The following CSMD3 variants were observed in gnomAD, a reference collection of about 807,000 sequenced individuals.
CSMD3 encodes the protein CUB and sushi domain-containing protein 3.
Under a neutral mutation model 435.2 loss-of-function variants are expected in CSMD3, and 177 were observed. That is an observed-to-expected ratio of 0.41 (90% CI 0.36 to 0.46). The LOEUF (loss-of-function observed/expected upper bound fraction) is 0.46, where lower values mean the gene tolerates loss of function less well. CSMD3 is among the 20% of genes least tolerant of loss of function. The pLI, the probability that CSMD3 is intolerant of heterozygous loss-of-function variation, is 0.34. For synonymous variants in CSMD3, 1,656 were observed against 1,520.5 expected (o/e 1.09, Z -2.07); for missense variants, 4,265 against 4,504.6 (o/e 0.95, Z 1.52).
At chr8:112,932,472 T>G (rs1265964651) in intron 9 of CSMD3, among the ~76,000 whole-genome samples, 1 of 152,128 alleles carries the variant, frequency 6.6e-6, no homozygotes, top group African/African-American at 2.4e-5. Context: ...GGTCTCAGTC[T>G]CCTGACCTCA....
chr8:112,702,854 C>A (rs1323474073), intron 13 of CSMD3, among the ~76,000 whole-genome samples: 1 of 152,096 alleles, frequency 6.6e-6, no homozygotes, highest in Non-Finnish European at 1.5e-5. Flanking sequence ...GTCCTCCAAG[C>A]TGTGGTTATC....
chr8:113,217,435 C>T (rs1183505159), intron 3 of CSMD3, among the ~76,000 whole-genome samples: 1 of 151,138 alleles, frequency 6.6e-6, no homozygotes, highest in Non-Finnish European at 1.5e-5. Context: ...TTTTAAAAGC[C>T]TAGTTATAAA....
At chr8:113,005,397 T>C (rs2086018695) in intron 6 of CSMD3, among the ~76,000 whole-genome samples, 2 of 152,004 alleles carry the variant, frequency 1.3e-5, no homozygotes, top group Non-Finnish European at 1.5e-5. Context: ...ATTAAGGCCA[T>C]ATAGAATCAA....
intron 32 of CSMD3, among the ~76,000 whole-genome samples, chr8:112,415,179 G>A (rs368067348): frequency 6.6e-6 from 1 of 152,192 alleles, no homozygotes; most frequent in Non-Finnish European, 1.5e-5. Flanking sequence ...AGGCTTAGGA[G>A]GGAAAAATGG....
In CSMD3 at chr8:113,228,592, G is replaced by C. The variant is rs545320310; in HGVS notation, c.514+50000C>G. On this transcript the variant is annotated intron_variant, in intron 3 of 70. Coordinates refer to ENST00000297405, the MANE Select transcript of CSMD3 (RefSeq NM_198123.2). ...ATTGAGCACTTTAAAAAAAAAACAG[G>C]GCCAAACATATGGATGGTTCCATAT... Among the ~76,000 whole-genome samples, 5 of 151,000 alleles carry C rather than the reference G, an allele frequency of 3.3e-5. No homozygotes were observed. In the East Asian group the frequency reaches 9.8e-4, roughly 30 times the overall value.
At chr8:112,513,249 G>T (rs1823319647) in intron 28 of CSMD3, among the ~76,000 whole-genome samples, 1 of 152,142 alleles carries the variant, frequency 6.6e-6, no homozygotes, top group South Asian at 2.1e-4. Context: ...AGCCTATTTG[G>T]GCTTTCAACT....
At chr8:113,009,390 A>C (rs929064532) in intron 6 of CSMD3, among the ~76,000 whole-genome samples, 2 of 151,862 alleles carry the variant, frequency 1.3e-5, no homozygotes, top group African/African-American at 2.4e-5. Context: ...CATATTTACT[A>C]ACTTCTAATC....
At chr8:112,454,458 T>A (rs1269218857) in intron 32 of CSMD3, among the ~76,000 whole-genome samples, 3 of 152,064 alleles carry the variant, frequency 2.0e-5, no homozygotes, top group African/African-American at 4.8e-5. Context: ...GCAAATAACA[T>A]GAACAGGCAT....
intron 10 of CSMD3, among the ~76,000 whole-genome samples, chr8:112,901,205 A>T (rs1182596677): frequency 6.6e-6 from 1 of 151,324 alleles, no homozygotes; most frequent in Non-Finnish European, 1.5e-5. Flanking sequence ...AGTGAGATTA[A>T]TACTTGATAA....
intron 13 of CSMD3, among the ~76,000 whole-genome samples, chr8:112,790,990 A>G (rs2078673498): frequency 6.6e-6 from 1 of 152,130 alleles, no homozygotes; most frequent in African/African-American, 2.4e-5. Flanking sequence ...AAATTTTCAC[A>G]CATATATGCA....
intron 13 of CSMD3, among the ~76,000 whole-genome samples, chr8:112,717,553 C>T (rs377412327): frequency 6.6e-6 from 1 of 152,164 alleles, no homozygotes; most frequent in South Asian, 2.1e-4. Context: ...CCAGCAATCC[C>T]ATTACTGGGT....
intron 4 of CSMD3, among the ~76,000 whole-genome samples, chr8:113,113,420 A>G (rs998479105): frequency 6.6e-6 from 1 of 152,198 alleles, no homozygotes; most frequent in African/African-American, 2.4e-5. Context: ...TTTAATGATT[A>G]CATCTGAGGC....
At chr8:113,289,206 A>G (rs2093667041) in intron 2 of CSMD3, among the ~76,000 whole-genome samples, 1 of 151,854 alleles carries the variant, frequency 6.6e-6, no homozygotes, top group Non-Finnish European at 1.5e-5. Context: ...CCAAGCATTT[A>G]GCAAACTAGC....
chr8:113,259,394 C>G lies in CSMD3; in HGVS notation c.514+19198G>C, dbSNP rs576595637. ...GCCTCAGGCAGAAACATGAGTGAGT[C>G]CATACAAGATCACCAGAATAACAGC... is the stretch of plus-strand genomic sequence containing the variant. On this transcript the variant is annotated intron_variant, in intron 3 of 70. Transcript: ENST00000297405. Among the ~76,000 whole-genome samples, 20 of 152,228 alleles carry G rather than the reference C, an allele frequency of 1.3e-4. No homozygotes were observed. In the South Asian group the frequency reaches 1.7e-3, roughly 13 times the overall value.
intron 32 of CSMD3, among the ~76,000 whole-genome samples, chr8:112,440,864 C>T (rs1034629969): frequency 7.2e-5 from 11 of 152,126 alleles, no homozygotes; most frequent in Non-Finnish European, 1.3e-4. Flanking sequence ...AGGCCCTGGG[C>T]CTGGCCCATG....
chr8:112,957,514 C>T (rs768488140), intron 7 of CSMD3, among the ~76,000 whole-genome samples: 5 of 152,154 alleles, frequency 3.3e-5, no homozygotes, highest in Admixed American at 6.5e-5. Context: ...AGTGCAGTGG[C>T]GCGATCTCGG....
intron 22 of CSMD3, among the ~76,000 whole-genome samples, chr8:112,633,715 C>T (rs1357514982): frequency 1.3e-5 from 2 of 151,956 alleles, no homozygotes; most frequent in Admixed American, 1.3e-4. Context: ...TCAACCTGTA[C>T]ACTAAATATT....
intron 38 of CSMD3, among the ~76,000 whole-genome samples, chr8:112,379,226 T>C (rs1036727067): frequency 6.6e-6 from 1 of 152,142 alleles, no homozygotes; most frequent in African/African-American, 2.4e-5. Context: ...TCCCAAAACT[T>C]TGGGAAGTCA....
chr8:113,166,820 C>G (rs1588189152), intron 4 of CSMD3, among the ~76,000 whole-genome samples: 1 of 151,992 alleles, frequency 6.6e-6, no homozygotes, highest in East Asian at 1.9e-4. Context: ...TTATCATATT[C>G]AAAAATATAA....
Sources: allele counts gnomAD v4.1 joint callset (sites outside exome capture counted in the v4.1 genomes callset), GRCh38; gene constraint gnomAD v4.1.1; transcripts MANE v1.5; gene names NCBI Gene and HGNC (gene_info 2026-07-23, HGNC 2026-07-21).